Variants in NKAIN3 observed in about 807,000 individuals in gnomAD.
The protein encoded by NKAIN3 is sodium/potassium transporting ATPase interacting 3, also known as sodium/potassium-transporting ATPase subunit beta-1-interacting protein 3.
Under a neutral mutation model 30.2 loss-of-function variants are expected in NKAIN3, and 25 were observed. The ratio of observed to expected loss-of-function variants is 0.83; its 90% CI spans 0.60 to 1.16. The LOEUF (loss-of-function observed/expected upper bound fraction) is 1.16, where lower values mean the gene tolerates loss of function less well. NKAIN3 is among the 50% of genes most tolerant of loss of function. NKAIN3 has a pLI of 0.00. For synonymous variants in NKAIN3, 91 were observed against 89.6 expected, an observed-to-expected ratio of 1.02 and a Z score of -0.09; for missense variants, 225 against 254.1, an observed-to-expected ratio of 0.89 and a Z score of 0.78.
chr8:62,637,760 G>A (rs1357954536), intron 3 of NKAIN3, among the ~76,000 whole-genome samples: 1 of 152,174 alleles, frequency 6.6e-6, no homozygotes, highest in Non-Finnish European at 1.5e-5. Context: ...TGGGGCCTGG[G>A]AGTGGGGTCC....
intron 1 of NKAIN3, among the ~76,000 whole-genome samples, chr8:62,544,014 T>C (rs1808930118): frequency 6.6e-6 from 1 of 152,160 alleles, no homozygotes; most frequent in African/African-American, 2.4e-5. Flanking sequence ...TTTATTTATT[T>C]ATTTTGAGAC....
At chr8:62,338,505 G>A (rs1447905356) in intron 1 of NKAIN3, among the ~76,000 whole-genome samples, 4 of 151,894 alleles carry the variant, frequency 2.6e-5, no homozygotes, top group Non-Finnish European at 5.9e-5. Context: ...TGCCATGAAA[G>A]GATTAAACAT....
At chr8:62,531,452 T>A (rs2129841187) in intron 1 of NKAIN3, among the ~76,000 whole-genome samples, 1 of 152,288 alleles carries the variant, frequency 6.6e-6, no homozygotes, top group Non-Finnish European at 1.5e-5. Flanking sequence ...AAAACTTCAA[T>A]AATAGTGGTT....
At chr8:62,264,942 A>G (rs1563911618) in intron 1 of NKAIN3, among the ~76,000 whole-genome samples, 2 of 152,132 alleles carry the variant, frequency 1.3e-5, no homozygotes, top group Admixed American at 6.5e-5. Context: ...GCAATGTTTT[A>G]TGATCTGACC....
intron 4 of NKAIN3, among the ~76,000 whole-genome samples, chr8:62,782,239 A>G (rs1817375240): frequency 6.6e-6 from 1 of 152,170 alleles, no homozygotes. Context: ...CACTCCAGTT[A>G]GAATGCCAAT....
intron 1 of NKAIN3, among the ~76,000 whole-genome samples, chr8:62,475,925 G>A (rs138912375): frequency 4.6e-5 from 7 of 152,228 alleles, no homozygotes; most frequent in Non-Finnish European, 8.8e-5. Flanking sequence ...TTGAACTTGG[G>A]CAAGTTACTC....
At chr8:62,763,946 A>C (rs1816753024) in intron 4 of NKAIN3, among the ~76,000 whole-genome samples, 1 of 152,170 alleles carries the variant, frequency 6.6e-6, no homozygotes, top group African/African-American at 2.4e-5. Context: ...AGGGGTTGTA[A>C]TGTCTCTGGT....
At position 62,930,943 on chromosome 8, in the gene NKAIN3, A is replaced by G. The variant is rs191102836; in HGVS notation, c.532+12430A>G. 1.2e-3 allele frequency among the ~76,000 whole-genome samples: 185 copies of G among 150,822 alleles called. 1 individual carries two copies. The highest frequency in any genetic ancestry group is 3.4e-3 in the Admixed American group (51 of 15,164). On this transcript the variant is annotated intron_variant, in intron 5 of 6. Transcript: ENST00000623646. The stretch of plus-strand genomic sequence containing the variant: ...AGGATGATCTCAATCTCCTTACCTC[A>G]TGATCCTCCCACCTTGGCCTCCCAA...
chr8:62,939,679 A>G (rs866576485), intron 5 of NKAIN3, among the ~76,000 whole-genome samples: 3 of 152,326 alleles, frequency 2.0e-5, no homozygotes, highest in Middle Eastern at 6.8e-3. Flanking sequence ...AAAAAAAGAT[A>G]TAGTCTTTTC....
chr8:62,848,311 T>C (rs1179646678), intron 4 of NKAIN3, among the ~76,000 whole-genome samples: 3 of 152,228 alleles, frequency 2.0e-5, no homozygotes, highest in African/African-American at 4.8e-5. Context: ...GAGCATGGAA[T>C]GTTTTTCCAT....
intron 4 of NKAIN3, among the ~76,000 whole-genome samples, chr8:62,830,035 G>T (rs943308765): frequency 3.3e-5 from 5 of 152,104 alleles, no homozygotes; most frequent in Admixed American, 6.5e-5. Flanking sequence ...AAAAGCAAAA[G>T]CATGCATCAA....
At chr8:62,625,984 C>T (rs1049459872) in intron 3 of NKAIN3, among the ~76,000 whole-genome samples, 2 of 151,994 alleles carry the variant, frequency 1.3e-5, no homozygotes, top group Non-Finnish European at 2.9e-5. Context: ...ACTGAGGCGT[C>T]GAGGAAACTG....
chr8:62,488,978 CAAT>C (rs1806986370), intron 1 of NKAIN3, among the ~76,000 whole-genome samples: 1 of 152,224 alleles, frequency 6.6e-6, no homozygotes. Context: ...GCTAAGTGTT[CAAT>C]GAATGCTAGC....
chr8:62,403,152 T>C (rs535707005), intron 1 of NKAIN3, among the ~76,000 whole-genome samples: 8 of 152,284 alleles, frequency 5.3e-5, no homozygotes, highest in Middle Eastern at 3.4e-3. Flanking sequence ...CCCTAAATAT[T>C]TGTGCAACTT....
At position 62,819,148 on chromosome 8, in the gene NKAIN3, T is replaced by C. The variant is rs549562470; in HGVS notation, c.471+72019T>C. Reference sequence around the variant, plus strand: ...AGAATTATCGTTATATATATATATATATACATATATATATATATAATTGTT... The same window carrying C: ...AGAATTATCGTTATATATATATATACATACATATATATATATATAATTGTT... On this transcript the variant is annotated intron_variant, in intron 4 of 6. Coordinates refer to ENST00000623646, the MANE Select transcript of NKAIN3 (RefSeq NM_001304533.3). Among the ~76,000 whole-genome samples the C allele has an allele frequency of 1.1e-4, 11 of 100,146 alleles. No individual in the cohort carries two copies. In the East Asian group the frequency reaches 2.1e-3, roughly 19 times the overall value. The allele number at this position is 100,146 out of a possible 152,430, so 65.7% of individuals were successfully genotyped here. A position where few individuals can be genotyped will look rare whatever the true frequency, so the allele number is the denominator to read the frequency against.
At chr8:62,952,678 C>T (rs1320106026) in intron 5 of NKAIN3, among the ~76,000 whole-genome samples, 1 of 152,108 alleles carries the variant, frequency 6.6e-6, no homozygotes, top group Non-Finnish European at 1.5e-5. Context: ...ATTCAACAAA[C>T]CAAAGCACCT....
At chr8:62,325,597 A>T (rs1325188260) in intron 1 of NKAIN3, among the ~76,000 whole-genome samples, 6 of 152,044 alleles carry the variant, frequency 3.9e-5, no homozygotes, top group African/African-American at 1.4e-4. Context: ...ACATTCCCAC[A>T]TGCAGTGTAA....
intron 4 of NKAIN3, among the ~76,000 whole-genome samples, chr8:62,788,280 G>A (rs899176630): frequency 3.9e-5 from 6 of 152,174 alleles, no homozygotes; most frequent in Non-Finnish European, 5.9e-5. Context: ...GCATTCCTCT[G>A]ATGGGCAGTG....
intron 1 of NKAIN3, among the ~76,000 whole-genome samples, chr8:62,253,473 G>A (rs1436821350): frequency 6.6e-6 from 1 of 152,146 alleles, no homozygotes; most frequent in Non-Finnish European, 1.5e-5. Context: ...GGGAAGCTGA[G>A]GTGGGAGGAT....
Sources: gnomAD v4.1 joint callset for allele counts (sites outside exome capture counted in the v4.1 genomes callset) on GRCh38, gnomAD v4.1.1 for gene constraint, MANE v1.5 for transcripts, NCBI Gene and HGNC (gene_info 2026-07-23, HGNC 2026-07-21) for gene names.